GRM3: variants seen among roughly 807,000 people sequenced by gnomAD.
The protein encoded by GRM3 is metabotropic glutamate receptor 3.
Under a neutral mutation model 70.5 loss-of-function variants are expected in GRM3, and 26 were observed. The observed-to-expected ratio is 0.37, with a 90% CI of 0.27 to 0.51. GRM3 has a LOEUF of 0.51. GRM3 is among the 20% of genes least tolerant of loss of function. The probability of loss-of-function intolerance (pLI) is 0.93; values close to 1 mark genes in which losing one functional copy is unlikely to be tolerated. For missense variants in GRM3, 859 were observed against 1,123.8 expected (o/e 0.76, Z 3.37); for synonymous variants, 443 against 434.9 (o/e 1.02, Z -0.23).
intron 1 of GRM3, among the ~76,000 whole-genome samples, chr7:86,706,663 C>G (rs1379899633): frequency 1.3e-5 from 2 of 151,832 alleles, no homozygotes; most frequent in East Asian, 1.9e-4. Context: ...GCCAAGTGCA[C>G]AGTTGTTGAA....
chr7:86,780,873 T>A (rs1167498305), intron 2 of GRM3, among the ~76,000 whole-genome samples: 5 of 152,154 alleles, frequency 3.3e-5, no homozygotes, highest in African/African-American at 1.2e-4. Context: ...GATCCTCAAA[T>A]AAAGGAGTTT....
chr7:86,787,056 A>G lies in GRM3; in HGVS notation c.1264A>G (p.Met422Val). 6.2e-7 allele frequency: 1 copy of G among 1,612,978 alleles called. No individual in the cohort carries two copies. The highest frequency in any genetic ancestry group is 8.5e-7 in the Non-Finnish European group (1 of 1,179,328). The part of the protein sequence containing the change: ...CPNTTKLCDA[M>V]KILDGKKLYK... ...CAACACTACCAAGCTTTGTGATGCTATGAAGATCCTGGATGGGAAGAAGTT... is the reference window on the plus strand; with the variant it reads ...CAACACTACCAAGCTTTGTGATGCTGTGAAGATCCTGGATGGGAAGAAGTT... Residue 422 changes from methionine to valine, a missense_variant, in exon 3 of 6, where the codon ATG (methionine) becomes GTG (valine). Coordinates refer to ENST00000361669, the MANE Select transcript of GRM3 (RefSeq NM_000840.3).
intron 1 of GRM3, among the ~76,000 whole-genome samples, chr7:86,759,727 G>T (rs1000310211): frequency 6.6e-6 from 1 of 152,132 alleles, no homozygotes; most frequent in Non-Finnish European, 1.5e-5. Flanking sequence ...TTACAGTGGA[G>T]TAACATGGAA....
chr7:86,811,696 AT>A (rs879657168), intron 3 of GRM3, among the ~76,000 whole-genome samples: 23 of 151,840 alleles, frequency 1.5e-4, no homozygotes, highest in Admixed American at 2.6e-4. Flanking sequence ...CTTGAAATCT[AT>A]TTTTTAAAGT....
At chr7:86,803,924 T>G (rs1056787706) in intron 3 of GRM3, among the ~76,000 whole-genome samples, 11 of 152,198 alleles carry the variant, frequency 7.2e-5, no homozygotes, top group African/African-American at 2.4e-4. Flanking sequence ...TTTAAATTGC[T>G]TTTGATCACA....
At chr7:86,746,068 A>G (rs969231215) in intron 1 of GRM3, among the ~76,000 whole-genome samples, 11 of 151,928 alleles carry the variant, frequency 7.2e-5, no homozygotes, top group Non-Finnish European at 1.5e-4. Flanking sequence ...CTTTTTATCC[A>G]ACTTTGTCAA....
intron 1 of GRM3, among the ~76,000 whole-genome samples, chr7:86,655,853 G>GTGTGTGTGT (rs1562814701): frequency 0.012 from 1,613 of 134,678 alleles, 57 homozygotes; most frequent in Admixed American, 0.071. Context: ...TGTGTGTGTG[G>GTGTGTGTGT]GTGGGTGGGT....
chr7:86,750,517 T>C (rs1180626345), intron 1 of GRM3, among the ~76,000 whole-genome samples: 1 of 152,006 alleles, frequency 6.6e-6, no homozygotes, highest in African/African-American at 2.4e-5. Context: ...TATCTTAGTG[T>C]TTCCTAGCCA....
chr7:86,654,719 TATC>T (rs1385051737), intron 1 of GRM3, among the ~76,000 whole-genome samples: 1 of 152,218 alleles, frequency 6.6e-6, no homozygotes, highest in East Asian at 1.9e-4. Context: ...TAGCCCAGGT[TATC>T]ATCACTGTCC....
At chr7:86,807,739 C>A (rs1797825812) in intron 3 of GRM3, among the ~76,000 whole-genome samples, 1 of 152,120 alleles carries the variant, frequency 6.6e-6, no homozygotes, top group African/African-American at 2.4e-5. Flanking sequence ...CCCTTTATTT[C>A]TTTCTCTCGC....
At chr7:86,669,776 C>T (rs1794124660) in intron 1 of GRM3, among the ~76,000 whole-genome samples, 1 of 152,160 alleles carries the variant, frequency 6.6e-6, no homozygotes, top group Admixed American at 6.6e-5. Context: ...TCCTTCAAAT[C>T]CCTGCTCTCT....
Position 86,786,555 on chromosome 7 carries a change from T to C in GRM3, c.763T>C (p.Ser255Pro), listed in dbSNP as rs745322060. 1 of 1,614,006 alleles carries C rather than the reference T, an allele frequency of 6.2e-7. No individual in the cohort carries two copies. The highest frequency in any genetic ancestry group is 8.5e-7 in the Non-Finnish European group (1 of 1,180,050). The change falls in exon 3 of 6, where the codon TCC (serine) becomes CCC (proline). Residue 255 changes from serine to proline, a missense_variant. By Grantham distance (74) the Ser-to-Pro change is moderately conservative. Transcript: ENST00000361669. The surrounding 1 kb of genome is among the most constrained non-coding windows in gnomAD (Gnocchi z 6.0). ...GGTGGGCCGCTCCAACATCCGCAAGTCCTACGACAGCGTGATCCGAGAACT... is the reference window on the plus strand; with the variant it reads ...GGTGGGCCGCTCCAACATCCGCAAGCCCTACGACAGCGTGATCCGAGAACT... The part of the protein sequence containing the change: ...EKVGRSNIRK[S>P]YDSVIRELLQ...
At chr7:86,790,505 C>T (rs975881404) in intron 3 of GRM3, among the ~76,000 whole-genome samples, 10 of 152,102 alleles carry the variant, frequency 6.6e-5, no homozygotes, top group Admixed American at 4.6e-4. Context: ...CCAGGATGCC[C>T]TTTTAAAATC....
chr7:86,693,398 G>A (rs1484346470), intron 1 of GRM3, among the ~76,000 whole-genome samples: 2 of 152,164 alleles, frequency 1.3e-5, no homozygotes, highest in Non-Finnish European at 2.9e-5. Flanking sequence ...AAACATAGCA[G>A]GAGATAGGTG....
chr7:86,862,784 C>T (rs1562885571), intron 5 of GRM3, among the ~76,000 whole-genome samples: 1 of 152,102 alleles, frequency 6.6e-6, no homozygotes, highest in Non-Finnish European at 1.5e-5. Context: ...TGAATGCTCC[C>T]CCACTGAATG....
chr7:86,710,287 T>A (rs1378245766), intron 1 of GRM3: 1 of 152,010 alleles, frequency 6.6e-6, no homozygotes, highest in Non-Finnish European at 1.5e-5. Context: ...ATGCCTATTT[T>A]TTTTCATTTC....
intron 3 of GRM3, among the ~76,000 whole-genome samples, chr7:86,830,038 G>T (rs1798319931): frequency 6.6e-6 from 1 of 152,174 alleles, no homozygotes; most frequent in East Asian, 1.9e-4. Context: ...TGTAGAAAAT[G>T]CTGTCAGTGC....
chr7:86,839,718 C>G lies in GRM3; in HGVS notation c.2204C>G (p.Ser735Cys). 6.2e-7 allele frequency: 1 copy of G among 1,614,078 alleles called. No homozygotes were observed. ...ATCCTAAAATGCAATGTCAAAGATT[C>G]CAGCATGTTGATCTCTCTTACCTAC... ...TVILKCNVKD[S>C]SMLISLTYDV... The change falls in exon 4 of 6, where the codon TCC becomes TGC. Residue 735 changes from serine (S) to cysteine (C), a missense_variant. Transcript: ENST00000361669. The surrounding 1 kb of genome is among the most constrained non-coding windows in gnomAD (Gnocchi z 4.5).
chr7:86,665,709 A>G (rs929143293), intron 1 of GRM3, among the ~76,000 whole-genome samples: 2 of 152,066 alleles, frequency 1.3e-5, no homozygotes, highest in Non-Finnish European at 2.9e-5. Context: ...TGTGTGATCT[A>G]AAAGTAAGAA....
Sources: gnomAD v4.1 joint callset for allele counts (sites outside exome capture counted in the v4.1 genomes callset) on GRCh38, gnomAD v4.1.1 for gene constraint, Gnocchi (gnomAD v3.1) non-coding constraint, MANE v1.5 for transcripts, NCBI Gene and HGNC (gene_info 2026-07-23, HGNC 2026-07-21) for gene names.